The following RPS6KC1 variants were observed in gnomAD, a reference collection of about 807,000 sequenced individuals.
The protein encoded by RPS6KC1 is ribosomal protein S6 kinase C1.
Under a neutral mutation model 103.8 loss-of-function variants are expected in RPS6KC1, and 54 were observed. The ratio of observed to expected loss-of-function variants is 0.52; its 90% CI spans 0.42 to 0.65. The LOEUF (loss-of-function observed/expected upper bound fraction) is 0.65. Ranked by LOEUF, RPS6KC1 falls within the 30% of genes least tolerant of loss-of-function variation. RPS6KC1 has a pLI of 0.00. For synonymous variants in RPS6KC1, 439 were observed against 438.7 expected (o/e 1.00, Z -0.01); for missense variants, 1,151 against 1,253.8 (o/e 0.92, Z 1.24).
At chr1:213,433,940 A>T in the RPS6KC1 span, among the ~76,000 whole-genome samples, 2 of 152,166 alleles carry the variant, frequency 1.3e-5, no homozygotes, top group Non-Finnish European at 2.9e-5. Flanking sequence ...AAAAGCAGAC[A>T]ATTTAATTTT....
chr1:213,331,781 C>T, the RPS6KC1 span, among the ~76,000 whole-genome samples: 7 of 152,174 alleles, frequency 4.6e-5, no homozygotes, highest in African/African-American at 9.7e-5. Context: ...CCAGGGCCTA[C>T]GTCACCCTGC....
the RPS6KC1 span, among the ~76,000 whole-genome samples, chr1:213,593,275 A>T: frequency 6.6e-6 from 1 of 151,540 alleles, no homozygotes; most frequent in African/African-American, 2.4e-5. Flanking sequence ...TTAGGATTTT[A>T]GATGGGGAGA....
the RPS6KC1 span, among the ~76,000 whole-genome samples, chr1:213,531,932 G>T: frequency 6.6e-6 from 1 of 152,152 alleles, no homozygotes; most frequent in Admixed American, 6.5e-5. Context: ...AGTTCTATCT[G>T]TCCCCACAAG....
At chr1:213,649,176 T>C in the RPS6KC1 span, among the ~76,000 whole-genome samples, 1 of 151,924 alleles carries the variant, frequency 6.6e-6, no homozygotes, top group African/African-American at 2.4e-5. Flanking sequence ...TGCTGGATGG[T>C]TCTTCTCCCT....
the RPS6KC1 span, among the ~76,000 whole-genome samples, chr1:213,512,342 C>T: frequency 3.4e-3 from 519 of 152,278 alleles, 5 homozygotes; most frequent in African/African-American, 0.012. Context: ...GTACGATTGC[C>T]GCCTCCACAC....
intron 8 of RPS6KC1, among the ~76,000 whole-genome samples, chr1:213,219,563 T>A (rs932023135): frequency 1.3e-5 from 2 of 152,186 alleles, no homozygotes; most frequent in African/African-American, 4.8e-5. Flanking sequence ...TGCACACGTA[T>A]GTTTATTGCA....
At chr1:213,144,648 C>T (rs1427449536) in intron 6 of RPS6KC1, among the ~76,000 whole-genome samples, 1 of 152,062 alleles carries the variant, frequency 6.6e-6, no homozygotes, top group East Asian at 1.9e-4. Flanking sequence ...TATCAACCTT[C>T]TTAGGCTCTT....
chr1:213,596,100 A>G, the RPS6KC1 span, among the ~76,000 whole-genome samples: 2,450 of 152,380 alleles, frequency 0.016, 29 homozygotes, highest in Middle Eastern at 0.027. Context: ...TGAGTTATGA[A>G]AATGACAGGA....
the RPS6KC1 span, among the ~76,000 whole-genome samples, chr1:213,466,436 G>A: frequency 2.0e-5 from 3 of 152,144 alleles, no homozygotes; most frequent in Non-Finnish European, 4.4e-5. Flanking sequence ...TAGAGAGAGT[G>A]CTTTAGGTGT....
At chr1:213,784,476 G>T in the RPS6KC1 span, among the ~76,000 whole-genome samples, 1 of 152,216 alleles carries the variant, frequency 6.6e-6, no homozygotes, top group Non-Finnish European at 1.5e-5. Context: ...CCACAACTCA[G>T]AGAGTGTGCT....
chr1:213,830,631 A>C, the RPS6KC1 span, among the ~76,000 whole-genome samples: 1 of 151,038 alleles, frequency 6.6e-6, no homozygotes, highest in Non-Finnish European at 1.5e-5. Flanking sequence ...CAAGAGGCAT[A>C]GCTTTTAAAT....
chr1:213,809,821 C>A, the RPS6KC1 span, among the ~76,000 whole-genome samples: 1 of 152,280 alleles, frequency 6.6e-6, no homozygotes, highest in East Asian at 1.9e-4. Context: ...AATCTGAATC[C>A]ACTGTCACCC....
intron 12 of RPS6KC1, among the ~76,000 whole-genome samples, chr1:213,257,574 T>C (rs1209126954): frequency 6.6e-6 from 1 of 152,194 alleles, no homozygotes; most frequent in African/African-American, 2.4e-5. Context: ...AGATTGTAAA[T>C]AATTCATGTA....
intron 6 of RPS6KC1, among the ~76,000 whole-genome samples, chr1:213,133,442 T>TA (rs1321829883): frequency 3.3e-5 from 5 of 152,186 alleles, no homozygotes; most frequent in Non-Finnish European, 7.4e-5. Context: ...AGGAACCCTA[T>TA]AAGTTGAACT....
At chr1:213,088,068 T>C (rs2080588991) in intron 3 of RPS6KC1, among the ~76,000 whole-genome samples, 1 of 152,166 alleles carries the variant, frequency 6.6e-6, no homozygotes, top group African/African-American at 2.4e-5. Flanking sequence ...TGCTGGTGAG[T>C]TGGTTCCTCA....
the RPS6KC1 span, among the ~76,000 whole-genome samples, chr1:213,300,808 G>T: frequency 1.3e-5 from 2 of 152,314 alleles, no homozygotes; most frequent in South Asian, 2.1e-4. Context: ...TTAAATGTTC[G>T]CCAAATATCA....
At chr1:213,128,797 C>G (rs535358390) in intron 5 of RPS6KC1, among the ~76,000 whole-genome samples, 40 of 152,278 alleles carry the variant, frequency 2.6e-4, no homozygotes, top group African/African-American at 9.6e-4. Flanking sequence ...GGTTGAGTAT[C>G]CCTAATCTGA....
the RPS6KC1 span, among the ~76,000 whole-genome samples, chr1:213,331,837 A>G: frequency 1.3e-5 from 2 of 152,102 alleles, no homozygotes; most frequent in African/African-American, 4.8e-5. Context: ...AGCTGAGCTC[A>G]TGGCCTCTCT....
chr1:213,263,389 C>G (rs988319775), intron 14 of RPS6KC1, among the ~76,000 whole-genome samples: 28 of 152,146 alleles, frequency 1.8e-4, no homozygotes, highest in African/African-American at 6.8e-4. Flanking sequence ...CTCCAGTGAA[C>G]TTCTTAGATT....
Sources: allele counts gnomAD v4.1 joint callset (sites outside exome capture counted in the v4.1 genomes callset), GRCh38; gene constraint gnomAD v4.1.1; transcripts MANE v1.5; gene names NCBI Gene and HGNC (gene_info 2026-07-23, HGNC 2026-07-21).